The following SPAG16 variants were observed in gnomAD, a reference collection of about 807,000 sequenced individuals.
SPAG16 encodes the protein sperm-associated antigen 16 protein.
SPAG16 carries 86 observed loss-of-function variants against 80.4 expected under a neutral mutation model. The ratio of observed to expected loss-of-function variants is 1.07; its 90% CI spans 0.90 to 1.28. The LOEUF (loss-of-function observed/expected upper bound fraction) is 1.28. Among genes scored for constraint, SPAG16 ranks in the 50% most tolerant of loss-of-function variants. The pLI is 0.00. For synonymous variants in SPAG16, 294 were observed against 265.9 expected, an observed-to-expected ratio of 1.11 and a Z score of -1.03; for missense variants, 870 against 765.3, an observed-to-expected ratio of 1.14 and a Z score of -1.61.
chr2:213,549,741 C>A (rs2076728765), intron 10 of SPAG16, among the ~76,000 whole-genome samples: 1 of 152,148 alleles, frequency 6.6e-6, no homozygotes, highest in African/African-American at 2.4e-5. Flanking sequence ...ATCTCAATAT[C>A]TGCTAATATG....
chr2:213,541,189 T>C (rs2076434905), intron 10 of SPAG16, among the ~76,000 whole-genome samples: 1 of 152,106 alleles, frequency 6.6e-6, no homozygotes, highest in Non-Finnish European at 1.5e-5. Context: ...GTCTGAGTAG[T>C]GAGAGCAGTA....
rs574837374 is a variant in SPAG16 at position 213,702,297 on chromosome 2, G to C, written c.1071-160188G>C. On this transcript the variant is annotated intron_variant, in intron 10 of 15. Coordinates refer to ENST00000331683, the MANE Select transcript of SPAG16 (RefSeq NM_024532.5). ...ATAAGGGAATAAAAGCAGGCTGCCC[G>C]AGCCAGCTGCGGCAACCCGCTTGGG... Among the ~76,000 whole-genome samples, 7 of 152,316 alleles carry C rather than the reference G, an allele frequency of 4.6e-5. No individual in the cohort carries two copies. The East Asian group carries it at 1.2e-3, about 25-fold the overall frequency.
intron 12 of SPAG16, among the ~76,000 whole-genome samples, chr2:213,991,052 C>T (rs746293479): frequency 6.6e-6 from 1 of 151,814 alleles, no homozygotes; most frequent in African/African-American, 2.4e-5. Flanking sequence ...ATGTGCAGAA[C>T]GTGCAGGTTT....
At chr2:213,613,547 A>C (rs2061503051) in intron 10 of SPAG16, among the ~76,000 whole-genome samples, 1 of 152,016 alleles carries the variant, frequency 6.6e-6, no homozygotes, top group Non-Finnish European at 1.5e-5. Context: ...TTTTTTCCTC[A>C]CCTGCTTAAG....
At chr2:214,207,450 T>G (rs1424897607) in intron 15 of SPAG16, among the ~76,000 whole-genome samples, 6 of 152,180 alleles carry the variant, frequency 3.9e-5, no homozygotes, top group Non-Finnish European at 8.8e-5. Context: ...AAAGTTTCAG[T>G]TTTTGCTCAT....
At chr2:214,325,096 T>C (rs1423295427) in intron 15 of SPAG16, among the ~76,000 whole-genome samples, 2 of 152,250 alleles carry the variant, frequency 1.3e-5, no homozygotes, top group Non-Finnish European at 2.9e-5. Flanking sequence ...CTTCATACAA[T>C]GGTGATGTTT....
At chr2:213,305,991 G>T (rs2062924448) in intron 3 of SPAG16, among the ~76,000 whole-genome samples, 2 of 151,998 alleles carry the variant, frequency 1.3e-5, no homozygotes, top group South Asian at 4.1e-4. Context: ...TCCTTTGCTG[G>T]GAGCCTTTTT....
At chr2:213,983,980 T>G (rs955374259) in intron 12 of SPAG16, among the ~76,000 whole-genome samples, 1 of 152,022 alleles carries the variant, frequency 6.6e-6, no homozygotes, top group South Asian at 2.1e-4. Context: ...AGATAATGAG[T>G]GCAAATAAAG....
intron 10 of SPAG16, among the ~76,000 whole-genome samples, chr2:213,524,688 G>T (rs564140303): frequency 8.9e-4 from 136 of 152,306 alleles, no homozygotes; most frequent in African/African-American, 3.2e-3. Flanking sequence ...CTTGCATGGG[G>T]CATGTAGCCC....
chr2:213,556,027 A>G (rs553108261), intron 10 of SPAG16, among the ~76,000 whole-genome samples: 7 of 152,268 alleles, frequency 4.6e-5, no homozygotes, highest in Middle Eastern at 3.4e-3. Context: ...TAATAACTGT[A>G]AACTGTTTTA....
rs114806234 is a variant in SPAG16, at chr2:213,986,329, A to G, written c.1401-27622A>G. ...CTGGACTATATTTTTCCCACCGTTT[A>G]TTTCAGTTTTTTTCTATGTCATGTA... On this transcript the variant is annotated intron_variant, in intron 12 of 15. Coordinates refer to ENST00000331683, the MANE Select transcript of SPAG16 (RefSeq NM_024532.5). 8.8e-3 allele frequency among the ~76,000 whole-genome samples: 1,341 copies of G among 152,002 alleles called. 32 individuals are homozygous for G. Among genetic ancestry groups the G allele is most frequent in the African/African-American group, 0.031 (1,287 of 41,498 alleles).
chr2:213,815,491 T>C (rs1360157555), intron 10 of SPAG16, among the ~76,000 whole-genome samples: 1 of 152,194 alleles, frequency 6.6e-6, no homozygotes, highest in African/African-American at 2.4e-5. Flanking sequence ...ATAAATGTGA[T>C]TTCTTAAGAT....
chr2:213,443,331 C>A (rs1036900814), intron 9 of SPAG16, among the ~76,000 whole-genome samples: 6 of 152,126 alleles, frequency 3.9e-5, no homozygotes, highest in African/African-American at 1.4e-4. Context: ...TCACTAGTAA[C>A]CACCATTGTA....
At chr2:213,931,180 G>C (rs967360371) in intron 12 of SPAG16, among the ~76,000 whole-genome samples, 1 of 152,116 alleles carries the variant, frequency 6.6e-6, no homozygotes, top group African/African-American at 2.4e-5. Context: ...TACAATGATA[G>C]GTGCAAGTTC....
intron 13 of SPAG16, among the ~76,000 whole-genome samples, chr2:214,105,595 C>G (rs535732602): frequency 6.6e-6 from 1 of 152,310 alleles, no homozygotes; most frequent in Admixed American, 6.5e-5. Flanking sequence ...CACAGCTTCT[C>G]TGTCTGAATC....
rs987710901 is a variant in SPAG16 at position 213,541,957 on chromosome 2, C to T, written c.1070+51867C>T. 1.2e-4 allele frequency among the ~76,000 whole-genome samples: 18 copies of T among 152,238 alleles called. No homozygotes were observed. The East Asian group carries it at 3.5e-3, about 29-fold the overall frequency. ...CCAACTTTATGGTTACCATATGAGTCCCAGGTGCCATCGTCTGTAAGTACC... is the reference window on the plus strand; with the variant it reads ...CCAACTTTATGGTTACCATATGAGTTCCAGGTGCCATCGTCTGTAAGTACC... On this transcript the variant is annotated intron_variant, in intron 10 of 15. Coordinates refer to ENST00000331683, the MANE Select transcript of SPAG16 (RefSeq NM_024532.5).
chr2:213,338,295 G>A (rs998866672), intron 5 of SPAG16, among the ~76,000 whole-genome samples: 1 of 152,134 alleles, frequency 6.6e-6, no homozygotes, highest in Non-Finnish European at 1.5e-5. Flanking sequence ...ACAATATGAG[G>A]CAACTACGCA....
At chr2:213,980,700 G>GTGTATATATAGAATATA (rs2045686258) in intron 12 of SPAG16, among the ~76,000 whole-genome samples, 1 of 72,912 alleles carries the variant, frequency 1.4e-5, no homozygotes, top group African/African-American at 9.3e-5. Context: ...GAATATATGT[G>GTGTATATATAGAATATA]TGTGTGTGTG....
At chr2:213,293,171 T>C (rs1335291802) in intron 1 of SPAG16, among the ~76,000 whole-genome samples, 1 of 152,158 alleles carries the variant, frequency 6.6e-6, no homozygotes, top group Non-Finnish European at 1.5e-5. Flanking sequence ...GCACCCATTC[T>C]CTCTTTCATG....
Sources: gnomAD v4.1 joint callset for allele counts (sites outside exome capture counted in the v4.1 genomes callset) on GRCh38, gnomAD v4.1.1 for gene constraint, MANE v1.5 for transcripts, NCBI Gene and HGNC (gene_info 2026-07-23, HGNC 2026-07-21) for gene names.